Variants in RGPD1 observed in about 807,000 individuals in gnomAD.
RGPD1 encodes the protein RANBP2-like and GRIP domain-containing protein 1.
A neutral mutation model predicts 40.6 loss-of-function variants in RGPD1; 7 were observed. The ratio of observed to expected loss-of-function variants is 0.17; its 90% CI spans 0.10 to 0.32. The LOEUF (loss-of-function observed/expected upper bound fraction) is 0.32, where lower values mean the gene tolerates loss of function less well. RGPD1 is among the 10% of genes least tolerant of loss of function. The pLI, the probability that RGPD1 is intolerant of heterozygous loss-of-function variation, is 1.00. For missense variants in RGPD1, 50 were observed against 472.5 expected (o/e 0.11, Z 8.29); for synonymous variants, 24 against 167.0 (o/e 0.14, Z 6.60).
intron 1 of RGPD1, among the ~76,000 whole-genome samples, chr2:86,942,641 C>T (rs868160789): frequency 5.1e-5 from 7 of 137,410 alleles, no homozygotes; most frequent in African/African-American, 8.0e-5. Context: ...GTTGAGGCGC[C>T]GGCCTCGACC....
Position 86,919,425 on chromosome 2 carries a change from C to G in RGPD1, c.72+5504C>G, listed in dbSNP as rs577105957. On this transcript the variant is annotated intron_variant, in intron 1 of 22. Transcript: ENST00000398193. Reference sequence around the variant, plus strand: ...TCGTCACGCCTCTGCGTAGAATCCCCCAGTGACTTCCCATGTCACTCAGAG... The same window carrying G: ...TCGTCACGCCTCTGCGTAGAATCCCGCAGTGACTTCCCATGTCACTCAGAG... Among the ~76,000 whole-genome samples, 132 of 145,286 alleles carry G rather than the reference C, an allele frequency of 9.1e-4. 8 individuals are homozygous for G. The highest frequency in any genetic ancestry group is 2.9e-3 in the African/African-American group (108 of 37,540).
At chr2:86,914,708 CCTCGACCTGGCCG>C (rs1407879497) in intron 1 of RGPD1, among the ~76,000 whole-genome samples, 10 of 30,296 alleles carry the variant, frequency 3.3e-4, no homozygotes, top group Non-Finnish European at 5.0e-4. Context: ...GCGGCGGCGG[CCTCGACCTGGCCG>C]GGCGGCGGCG....
At chr2:86,926,840 ATAT>A (rs1302705257) in intron 1 of RGPD1, among the ~76,000 whole-genome samples, 4 of 151,970 alleles carry the variant, frequency 2.6e-5, no homozygotes, top group Non-Finnish European at 1.5e-5. Flanking sequence ...CAGTCTTGCA[ATAT>A]TATTTTCCTA....
intron 1 of RGPD1, among the ~76,000 whole-genome samples, chr2:86,914,114 T>G (rs1329733479): frequency 5.0e-5 from 2 of 39,866 alleles, no homozygotes; most frequent in Non-Finnish European, 8.3e-5. Flanking sequence ...GGCGGCGGCC[T>G]CGGCCCCGGC....
At chr2:86,942,539 G>GGGCGGCGGCGGCGGCCTCGACCTGGCCC (rs1679926066) in intron 1 of RGPD1, among the ~76,000 whole-genome samples, 1 of 68,392 alleles carries the variant, frequency 1.5e-5, no homozygotes, top group Non-Finnish European at 3.1e-5. Flanking sequence ...CGACCTGGCC[G>GGGCGGCGGCGGCGGCCTCGACCTGGCCC]GGCGGCGGCG....
At position 86,942,279 on chromosome 2, in the gene RGPD1, G is replaced by A. The variant is rs1367372646; in HGVS notation, c.43G>A (p.Val15Met). 1.4e-5 allele frequency: 22 copies of A among 1,606,072 alleles called. No individual in the cohort carries two copies. Among genetic ancestry groups the A allele is most frequent in the South Asian group, 3.3e-5 (3 of 89,784 alleles). Residue 15 changes from valine (V) to methionine (M), a missense_variant, in exon 1 of 23, where the codon GTG (valine) becomes ATG (methionine). Physicochemically the swap from Val to Met is conservative, Grantham distance 21. Coordinates refer to ENST00000641458, the MANE Select transcript of RGPD1 (RefSeq NM_001382344.1). ...CTACGGGGAGCGGTACGTCGCCTCG[G>A]TGCAGGGCTCCGCCCCGTCGCCTGG... ...KAYGERYVAS[V>M]QGSAPSPGKK... is the part of the protein sequence containing the mutation.
At chr2:86,930,968 A>C (rs913203956) in intron 1 of RGPD1, among the ~76,000 whole-genome samples, 8 of 108,332 alleles carry the variant, frequency 7.4e-5, no homozygotes, top group Non-Finnish European at 1.5e-4. Flanking sequence ...TTCAAGTAAA[A>C]TAAGGACTAG....
chr2:86,943,114 C>G (rs1178299526), intron 1 of RGPD1, among the ~76,000 whole-genome samples: 1 of 151,412 alleles, frequency 6.6e-6, no homozygotes, highest in African/African-American at 2.4e-5. Flanking sequence ...TCCGGGTGAG[C>G]TTTGGCGGCT....
At chr2:87,000,095 C>A in intron 22 of RGPD1, among the ~76,000 whole-genome samples, 1 of 115,586 alleles carries the variant, frequency 8.7e-6, no homozygotes. Flanking sequence ...AAAAGTAAAC[C>A]TAATTTTATA....
intron 1 of RGPD1, among the ~76,000 whole-genome samples, chr2:86,944,385 A>C (rs1197660150): frequency 6.6e-6 from 1 of 152,050 alleles, no homozygotes; most frequent in Non-Finnish European, 1.5e-5. Flanking sequence ...TAACTCCTGA[A>C]ATTAAAGACT....
At chr2:86,933,107 A>G (rs1345855551) in intron 1 of RGPD1, among the ~76,000 whole-genome samples, 2 of 148,208 alleles carry the variant, frequency 1.3e-5, no homozygotes, top group Admixed American at 1.4e-4. Flanking sequence ...GTGTTTATAT[A>G]TACGTGTATG....
In RGPD1 at chr2:87,000,062, C is replaced by T. The variant is rs190083952; in HGVS notation, c.5236+2304C>T. ...TTAGTAGTTATTCAAATTACAGGTT[C>T]ACTGTCTTTAATTTATTCTAACAAA... On this transcript the variant is annotated intron_variant, in intron 22 of 22. Coordinates refer to ENST00000641458, the MANE Select transcript of RGPD1 (RefSeq NM_001382344.1). Among the ~76,000 whole-genome samples the T allele has an allele frequency of 3.5e-3, 415 of 118,516 alleles. 61 individuals carry two copies. The East Asian group carries it at 0.068, about 20-fold the overall frequency. The allele number at this position is 118,516 out of a possible 152,430, so 77.8% of individuals were successfully genotyped here.
chr2:86,929,616 G>A (rs1678760434), intron 1 of RGPD1, among the ~76,000 whole-genome samples: 1 of 135,266 alleles, frequency 7.4e-6, no homozygotes, highest in African/African-American at 2.8e-5. Context: ...ACAGACAACA[G>A]ATTGGTAAAT....
intron 1 of RGPD1, among the ~76,000 whole-genome samples, chr2:86,918,336 C>A (rs1295853708): frequency 6.7e-6 from 1 of 150,020 alleles, no homozygotes; most frequent in African/African-American, 2.5e-5. Context: ...TTGGAGATCA[C>A]TCCCAGGACA....
intron 1 of RGPD1, among the ~76,000 whole-genome samples, chr2:86,943,217 G>C (rs951204030): frequency 3.1e-4 from 47 of 149,556 alleles, no homozygotes; most frequent in Non-Finnish European, 6.4e-4. Flanking sequence ...TTGAGTATGA[G>C]GTGTTTGTCG....
intron 1 of RGPD1, among the ~76,000 whole-genome samples, chr2:86,933,101 TTATA>T (rs1457372185): frequency 6.8e-6 from 1 of 148,034 alleles, no homozygotes; most frequent in Middle Eastern, 3.5e-3. Context: ...GTGTCTGTGT[TTATA>T]TATACGTGTA....
chr2:86,943,056 A>C (rs1056645205), intron 1 of RGPD1, among the ~76,000 whole-genome samples: 3 of 150,194 alleles, frequency 2.0e-5, no homozygotes, highest in African/African-American at 7.4e-5. Context: ...GCTGCGGCGG[A>C]GGTCGTACCT....
At chr2:86,938,449 G>A (rs1455696216), upstream of RGPD1, among the ~76,000 whole-genome samples, 2 of 91,958 alleles carry the variant, frequency 2.2e-5, no homozygotes, top group Non-Finnish European at 3.9e-5. Flanking sequence ...GGGTAAGGTA[G>A]GGAGTTAAAC....
intron 1 of RGPD1, among the ~76,000 whole-genome samples, chr2:86,943,446 A>C (rs995423942): frequency 6.6e-6 from 1 of 152,102 alleles, no homozygotes; most frequent in Non-Finnish European, 1.5e-5. Context: ...TTTTGGATTC[A>C]ATAAGACTTT....
Sources: gnomAD v4.1 joint callset for allele counts (sites outside exome capture counted in the v4.1 genomes callset) on GRCh38, gnomAD v4.1.1 for gene constraint, MANE v1.5 for transcripts, NCBI Gene and HGNC (gene_info 2026-07-23, HGNC 2026-07-21) for gene names.